Variants in MARCHF1 observed in about 807,000 individuals in gnomAD.
The protein encoded by MARCHF1 is E3 ubiquitin-protein ligase MARCHF1.
A neutral mutation model predicts 54.2 loss-of-function variants in MARCHF1; 40 were observed. That is an observed-to-expected ratio of 0.74 (90% CI 0.57 to 0.96). The LOEUF is 0.96. Ranked by LOEUF, MARCHF1 falls within the 40% of genes least tolerant of loss-of-function variation. The pLI, the probability that MARCHF1 is intolerant of heterozygous loss-of-function variation, is 0.00. For missense variants in MARCHF1, 586 were observed against 656.5 expected, an observed-to-expected ratio of 0.89 and a Z score of 1.17; for synonymous variants, 236 against 236.3, an observed-to-expected ratio of 1.00 and a Z score of 0.01.
chr4:164,151,054 A>G (rs1480741261), intron 1 of MARCHF1, among the ~76,000 whole-genome samples: 7 of 152,178 alleles, frequency 4.6e-5, no homozygotes, highest in Admixed American at 4.6e-4. Context: ...AAAACTGGAA[A>G]AGGAAAGGAG....
chr4:163,809,714 TATTTACA>T lies in MARCHF1; in HGVS notation c.111+44300_111+44306del, dbSNP rs1219050385. ...CATGTATATTATATACATATACATG[TATTTACA>T]CATACATGTAAAAGTCAAGTACACA... On this transcript the variant is annotated intron_variant, in intron 4 of 9. Coordinates refer to ENST00000514618, the MANE Select transcript of MARCHF1 (RefSeq NM_001394959.1). Among the ~76,000 whole-genome samples, 469 of 152,282 alleles carry T rather than the reference TATTTACA, an allele frequency of 3.1e-3. 3 individuals carry two copies. Among genetic ancestry groups the T allele is most frequent in the African/African-American group, 0.011 (446 of 41,554 alleles).
intron 1 of MARCHF1, among the ~76,000 whole-genome samples, chr4:164,309,909 G>T (rs1156775768): frequency 6.6e-6 from 1 of 151,758 alleles, no homozygotes; most frequent in Admixed American, 6.6e-5. Context: ...ATGCCTCAGA[G>T]TTCCTCTATC....
At chr4:163,818,777 A>G (rs1317696479) in intron 4 of MARCHF1, among the ~76,000 whole-genome samples, 11 of 151,988 alleles carry the variant, frequency 7.2e-5, no homozygotes, top group Admixed American at 7.2e-4. Flanking sequence ...AGTTGTGGTT[A>G]TTTTCTCACC....
intron 1 of MARCHF1, among the ~76,000 whole-genome samples, chr4:164,138,001 C>T (rs1756436520): frequency 6.6e-6 from 1 of 152,084 alleles, no homozygotes; most frequent in Non-Finnish European, 1.5e-5. Flanking sequence ...CTCCTTGGCT[C>T]ATAGGTTCTT....
At chr4:164,227,325 G>A (rs1732286632) in intron 1 of MARCHF1, among the ~76,000 whole-genome samples, 1 of 151,996 alleles carries the variant, frequency 6.6e-6, no homozygotes, top group Admixed American at 6.6e-5. Flanking sequence ...AGAACAGCAT[G>A]GGGGAAACCA....
rs112907600 is a variant in MARCHF1 at position 163,599,581 on chromosome 4, T to C, written c.1010+12690A>G. Among the ~76,000 whole-genome samples the C allele has an allele frequency of 2.7e-3, 411 of 152,310 alleles. 4 individuals carry two copies. The highest frequency in any genetic ancestry group is 4.1e-3 in the Non-Finnish European group (279 of 68,014). Reference sequence around the variant, plus strand: ...TAGGTTCCTTTTCCCTAAAGCCCTATACCTATCCCCATGCACAGTGAACAC... The same window carrying C: ...TAGGTTCCTTTTCCCTAAAGCCCTACACCTATCCCCATGCACAGTGAACAC... On this transcript the variant is annotated intron_variant, in intron 7 of 9. Transcript: ENST00000514618.
chr4:164,254,922 C>G (rs115668271), intron 1 of MARCHF1, among the ~76,000 whole-genome samples: 195 of 152,256 alleles, frequency 1.3e-3, no homozygotes, highest in African/African-American at 4.5e-3. Flanking sequence ...ACTTTGTATC[C>G]CCTAAATCCA....
intron 2 of MARCHF1, among the ~76,000 whole-genome samples, chr4:164,042,524 G>A (rs977880257): frequency 6.6e-6 from 1 of 152,136 alleles, no homozygotes; most frequent in African/African-American, 2.4e-5. Flanking sequence ...AAATCCCCCT[G>A]TGATCCAATC....
At chr4:164,116,078 T>C (rs1755934199) in intron 1 of MARCHF1, among the ~76,000 whole-genome samples, 1 of 152,154 alleles carries the variant, frequency 6.6e-6, no homozygotes, top group African/African-American at 2.4e-5. Flanking sequence ...TTAGATGATA[T>C]TGATAATTTA....
chr4:163,840,377 CTTAT>C (rs1045111523), intron 4 of MARCHF1, among the ~76,000 whole-genome samples: 4 of 152,066 alleles, frequency 2.6e-5, no homozygotes, highest in African/African-American at 4.8e-5. Context: ...AACACTTTTA[CTTAT>C]TTATTTTTAT....
rs1344738217 is a variant in MARCHF1, at chr4:163,527,690, A to AAAT, written c.*1055_*1057dup. ...TGTTTTGAAATACTCAACAACTGTTAAATAAAGCAGAAGCTTAGTCTCTAA... is the reference window on the plus strand; with the variant it reads ...TGTTTTGAAATACTCAACAACTGTTAAATAATAAAGCAGAAGCTTAGTCTCTAA... On this transcript the variant is annotated 3_prime_UTR_variant, in exon 10 of 10. Transcript: ENST00000514618. 2 of 152,096 alleles carry AAAT rather than the reference A, an allele frequency of 1.3e-5. No individual in the cohort carries two copies. The highest frequency in any genetic ancestry group is 2.9e-5 in the Non-Finnish European group (2 of 67,962). 9.4% of individuals were successfully genotyped at this position (152,096 alleles called of 1,614,324 possible).
intron 2 of MARCHF1, among the ~76,000 whole-genome samples, chr4:164,071,083 T>C (rs1754853990): frequency 6.6e-6 from 1 of 152,224 alleles, no homozygotes; most frequent in Admixed American, 6.5e-5. Flanking sequence ...TAAACCTTTT[T>C]TTGTTCCCAG....
At chr4:164,243,876 G>C (rs1400668939) in intron 1 of MARCHF1, among the ~76,000 whole-genome samples, 1 of 151,582 alleles carries the variant, frequency 6.6e-6, no homozygotes, top group Non-Finnish European at 1.5e-5. Context: ...ATTACATAAT[G>C]GTAAAGGGAT....
chr4:164,368,668 A>C (rs539251282), intron 1 of MARCHF1, among the ~76,000 whole-genome samples: 1 of 152,346 alleles, frequency 6.6e-6, no homozygotes, highest in Admixed American at 6.5e-5. Context: ...TATCCTAAAT[A>C]TGCAGGGACT....
At chr4:163,708,975 T>C (rs900123427) in intron 4 of MARCHF1, among the ~76,000 whole-genome samples, 9 of 152,154 alleles carry the variant, frequency 5.9e-5, no homozygotes, top group African/African-American at 1.9e-4. Flanking sequence ...TCATGATATA[T>C]TGTTAAGGTA....
At chr4:163,768,721 G>A (rs887821226) in intron 4 of MARCHF1, among the ~76,000 whole-genome samples, 1 of 152,100 alleles carries the variant, frequency 6.6e-6, no homozygotes, top group African/African-American at 2.4e-5. Flanking sequence ...GTAACCTTTT[G>A]CACTTTGTAA....
At chr4:163,663,447 C>T (rs1480761732) in intron 5 of MARCHF1, among the ~76,000 whole-genome samples, 1 of 152,028 alleles carries the variant, frequency 6.6e-6, no homozygotes, top group East Asian at 1.9e-4. Context: ...TTTCCTAGCA[C>T]AGCTGAGTAT....
chr4:164,132,616 A>C (rs1322303655), intron 1 of MARCHF1, among the ~76,000 whole-genome samples: 1 of 152,136 alleles, frequency 6.6e-6, no homozygotes, highest in Non-Finnish European at 1.5e-5. Context: ...TCTGTGTTGG[A>C]TTCCTTTGCC....
chr4:164,253,716 A>G (rs1295680405), intron 1 of MARCHF1, among the ~76,000 whole-genome samples: 4 of 152,168 alleles, frequency 2.6e-5, no homozygotes, highest in African/African-American at 9.6e-5. Flanking sequence ...TCACATGAAA[A>G]TATATACACA....
Sources: gnomAD v4.1 joint callset for allele counts (sites outside exome capture counted in the v4.1 genomes callset) on GRCh38, gnomAD v4.1.1 for gene constraint, MANE v1.5 for transcripts, NCBI Gene and HGNC (gene_info 2026-07-23, HGNC 2026-07-21) for gene names.